The following ADAMTSL1 variants were observed in gnomAD, a reference collection of about 807,000 sequenced individuals.
ADAMTSL1 encodes ADAMTS-like protein 1.
Under a neutral mutation model 201.8 loss-of-function variants are expected in ADAMTSL1, and 126 were observed. That is an observed-to-expected ratio of 0.62 (90% CI 0.54 to 0.72). The LOEUF is 0.72. Ranked by LOEUF, ADAMTSL1 falls within the 30% of genes least tolerant of loss-of-function variation. The probability of loss-of-function intolerance (pLI) is 0.00; values close to 1 mark genes in which losing one functional copy is unlikely to be tolerated. For missense variants in ADAMTSL1, 2,679 were observed against 2,277.8 expected, an observed-to-expected ratio of 1.18 and a Z score of -3.59; for synonymous variants, 1,121 against 903.4, an observed-to-expected ratio of 1.24 and a Z score of -4.32.
intron 1 of ADAMTSL1, among the ~76,000 whole-genome samples, chr9:18,494,893 C>G (rs1171328838): frequency 6.6e-6 from 1 of 152,098 alleles, no homozygotes; most frequent in Non-Finnish European, 1.5e-5. Context: ...AATCTCCTAG[C>G]AAGGAGTGAA....
chr9:18,683,216 C>T (rs1830613926), intron 12 of ADAMTSL1, among the ~76,000 whole-genome samples: 1 of 134,740 alleles, frequency 7.4e-6, no homozygotes, highest in Non-Finnish European at 1.6e-5. Flanking sequence ...GCTTCATTTA[C>T]TGAGGTTTTT....
intron 2 of ADAMTSL1, among the ~76,000 whole-genome samples, chr9:18,211,316 GC>G (rs1055508938): frequency 2.4e-4 from 36 of 151,902 alleles, no homozygotes; most frequent in African/African-American, 8.5e-4. Flanking sequence ...AAATACAATG[GC>G]CCCCCTCCAT....
chr9:18,392,974 A>G (rs1252583852), intron 2 of ADAMTSL1, among the ~76,000 whole-genome samples: 1 of 152,174 alleles, frequency 6.6e-6, no homozygotes, highest in Non-Finnish European at 1.5e-5. Flanking sequence ...TACTAAATTC[A>G]GGATGATAAT....
At chr9:18,391,115 C>T (rs115361801) in intron 2 of ADAMTSL1, among the ~76,000 whole-genome samples, 3,290 of 152,228 alleles carry the variant, frequency 0.022, 132 homozygotes, top group African/African-American at 0.075. Flanking sequence ...AACAGCAAAG[C>T]CATGCCTTGT....
intron 14 of ADAMTSL1, among the ~76,000 whole-genome samples, chr9:18,710,566 T>C (rs1336289820): frequency 1.3e-5 from 2 of 152,156 alleles, no homozygotes; most frequent in African/African-American, 2.4e-5. Flanking sequence ...TTATGTAAAT[T>C]TGTGTTTGAC....
intron 3 of ADAMTSL1, among the ~76,000 whole-genome samples, chr9:18,546,044 T>C (rs1431781375): frequency 6.6e-6 from 1 of 152,210 alleles, no homozygotes; most frequent in Non-Finnish European, 1.5e-5. Flanking sequence ...TTTAATTAGT[T>C]AACAAGTTTT....
intron 2 of ADAMTSL1, among the ~76,000 whole-genome samples, chr9:18,278,712 A>G (rs749236447): frequency 1.3e-5 from 2 of 151,964 alleles, no homozygotes; most frequent in South Asian, 4.1e-4. Flanking sequence ...CAGACTTGGG[A>G]TATTTTCTGT....
intron 1 of ADAMTSL1, among the ~76,000 whole-genome samples, chr9:17,981,150 A>G (rs1221791110): frequency 6.6e-6 from 1 of 152,218 alleles, no homozygotes; most frequent in Non-Finnish European, 1.5e-5. Flanking sequence ...TATCCAAACC[A>G]TAGCAGATAC....
chr9:18,109,935 C>T (rs1824931777), intron 1 of ADAMTSL1, among the ~76,000 whole-genome samples: 1 of 152,162 alleles, frequency 6.6e-6, no homozygotes, highest in African/African-American at 2.4e-5. Context: ...TCACTTTTCA[C>T]TGTTGTGTGC....
chr9:18,668,980 T>C (rs1336156388), intron 9 of ADAMTSL1, among the ~76,000 whole-genome samples: 1 of 152,190 alleles, frequency 6.6e-6, no homozygotes, highest in Non-Finnish European at 1.5e-5. Context: ...CTACAGTATC[T>C]CTACATAAAG....
At position 18,775,840 on chromosome 9, in the gene ADAMTSL1, G is replaced by A. The variant is rs1820947643; in HGVS notation, c.2495G>A (p.Cys832Tyr). ...TCAACGGTTGTCAATTCCACCCTGT[G>A]CCCGCCCCTGCCTTTCTCTTCCTCC... ...GLSTVVNSTL[C>Y]PPLPFSSSIR... The change falls in exon 18 of 29, where the codon TGC becomes TAC. Residue 832 changes from cysteine to tyrosine, a missense_variant. Cys to Tyr is a radical substitution (Grantham distance 194). Coordinates refer to ENST00000380548, the MANE Select transcript of ADAMTSL1 (RefSeq NM_001040272.6). 5 of 1,604,908 alleles carry A rather than the reference G, an allele frequency of 3.1e-6. No individual in the cohort carries two copies. Among genetic ancestry groups the A allele is most frequent in the African/African-American group, 2.7e-5 (2 of 74,838 alleles).
chr9:18,505,029 G>C (rs1376391747), intron 2 of ADAMTSL1, 73 bp downstream of exon 2: 4 of 1,514,852 alleles, frequency 2.6e-6, no homozygotes, highest in Non-Finnish European at 2.6e-6. Context: ...TTTGTGATTG[G>C]GTTTATGGAG....
intron 13 of ADAMTSL1, among the ~76,000 whole-genome samples, chr9:18,706,435 A>G (rs190931732): frequency 1.5e-3 from 229 of 152,294 alleles, no homozygotes; most frequent in African/African-American, 5.2e-3. Flanking sequence ...TAGAGTGAGG[A>G]GAAGAAACCA....
At chr9:18,658,118 G>T (rs2132987284) in intron 8 of ADAMTSL1, among the ~76,000 whole-genome samples, 1 of 152,246 alleles carries the variant, frequency 6.6e-6, no homozygotes. Context: ...GGGACTGCAG[G>T]CGCCCGCCAC....
intron 5 of ADAMTSL1, among the ~76,000 whole-genome samples, chr9:18,635,148 T>C (rs1217741787): frequency 6.6e-6 from 1 of 151,670 alleles, no homozygotes; most frequent in East Asian, 1.9e-4. Flanking sequence ...TAGGTGAAAT[T>C]TAACCTCTGC....
At chr9:18,678,738 C>A (rs1215092647) in intron 10 of ADAMTSL1, among the ~76,000 whole-genome samples, 1 of 152,092 alleles carries the variant, frequency 6.6e-6, no homozygotes, top group Non-Finnish European at 1.5e-5. Flanking sequence ...ACTGTCAGAT[C>A]AAATCTAATG....
intron 1 of ADAMTSL1, among the ~76,000 whole-genome samples, chr9:18,155,553 T>C (rs1827115196): frequency 6.6e-6 from 1 of 152,054 alleles, no homozygotes; most frequent in Non-Finnish European, 1.5e-5. Context: ...AACTATGAGA[T>C]ATTATGTCAT....
rs149661572 is a variant in ADAMTSL1, at chr9:18,213,830, C to T, written c.207+49849C>T. 3.2e-4 allele frequency among the ~76,000 whole-genome samples: 48 copies of T among 152,172 alleles called. No individual in the cohort carries two copies. In the East Asian group the frequency reaches 7.0e-3, roughly 22 times the overall value. On this transcript the variant is annotated intron_variant, in intron 2 of 29. Transcript: ENST00000680146. Reference sequence around the variant, plus strand: ...TCTCGGTTCACTGCAACTTCCACTTCCCTGGTTCAAGCAATTCCCCTGCCT... The same window carrying T: ...TCTCGGTTCACTGCAACTTCCACTTTCCTGGTTCAAGCAATTCCCCTGCCT...
At chr9:18,678,960 A>G (rs1259385977) in intron 10 of ADAMTSL1, among the ~76,000 whole-genome samples, 6 of 152,150 alleles carry the variant, frequency 3.9e-5, no homozygotes, top group African/African-American at 1.2e-4. Context: ...TTTCCCCACA[A>G]TGACATTTTC....
Sources: gnomAD v4.1 joint callset for allele counts (sites outside exome capture counted in the v4.1 genomes callset) on GRCh38, gnomAD v4.1.1 for gene constraint, MANE v1.5 for transcripts, NCBI Gene and HGNC (gene_info 2026-07-23, HGNC 2026-07-21) for gene names.